Variants in RTN4R observed in about 807,000 individuals in gnomAD.
RTN4R encodes reticulon-4 receptor.
Under a neutral mutation model 27.7 loss-of-function variants are expected in RTN4R, and 4 were observed. The ratio of observed to expected loss-of-function variants is 0.14; its 90% confidence interval spans 0.07 to 0.33. The LOEUF (loss-of-function observed/expected upper bound fraction) is 0.33, where lower values mean the gene tolerates loss of function less well. RTN4R is among the 10% of genes least tolerant of loss of function. The pLI, the probability that RTN4R is intolerant of heterozygous loss-of-function variation, is 1.00. For synonymous variants in RTN4R, 290 were observed against 305.6 expected (o/e 0.95, Z 0.53); for missense variants, 554 against 671.5 (o/e 0.83, Z 1.93).
chr22:20,261,316 C>G (rs73152998), intron 1 of RTN4R, among the ~76,000 whole-genome samples: 35 of 152,324 alleles, frequency 2.3e-4, no homozygotes, highest in Non-Finnish European at 4.6e-4. Flanking sequence ...CCCTAAGGCC[C>G]CAATCACTAG....
Position 20,250,656 on chromosome 22 carries a change from G to A in RTN4R, c.23-7546C>T, listed in dbSNP as rs923401003. On this transcript the variant is annotated intron_variant, in intron 1 of 1. Coordinates refer to ENST00000043402, the MANE Select transcript of RTN4R (RefSeq NM_023004.6). ...CATCTCACGGAGGCCTAGGGTGAGG[G>A]GTTCTAGGCAAGAAAGAGACTCAGA... Among the ~76,000 whole-genome samples, 3 of 152,160 alleles carry A rather than the reference G, an allele frequency of 2.0e-5. No homozygotes were observed. In the East Asian group the frequency reaches 5.8e-4, roughly 29 times the overall value.
At position 20,242,158 on chromosome 22, in the gene RTN4R, G is replaced by A. The variant is rs1230830891; in HGVS notation, c.975C>T (p.Thr325=). 11 of 1,611,864 alleles carry A rather than the reference G, an allele frequency of 6.8e-6. No homozygotes were observed. The highest frequency in any genetic ancestry group is 1.7e-5 in the Admixed American group (1 of 59,962). ...PYHPIWTGRA[T]DEEPLGLPKC... is the part of the protein sequence containing the mutation. ...TGGGAAGCCCCAGCGGCTCCTCATC[G>A]GTGGCCCTGCCGGTCCAGATGGGAT... The change falls in exon 2 of 2, where the codon ACC becomes ACT. Residue 325 remains threonine, a synonymous_variant. Coordinates refer to ENST00000043402, the MANE Select transcript of RTN4R (RefSeq NM_023004.6).
At chr22:20,258,297 C>G (rs1347856571) in intron 1 of RTN4R, among the ~76,000 whole-genome samples, 1 of 152,192 alleles carries the variant, frequency 6.6e-6, no homozygotes, top group African/African-American at 2.4e-5. Context: ...CACACTTCCT[C>G]TGGGGGGCTC....
chr22:20,250,320 C>T (rs1421594943), intron 1 of RTN4R, among the ~76,000 whole-genome samples: 1 of 152,250 alleles, frequency 6.6e-6, no homozygotes, highest in African/African-American at 2.4e-5. Context: ...ACGCATTGTC[C>T]ATGGCTGCTT....
At chr22:20,266,354 G>A (rs954722916) in intron 1 of RTN4R, among the ~76,000 whole-genome samples, 2 of 152,216 alleles carry the variant, frequency 1.3e-5, no homozygotes, top group African/African-American at 4.8e-5. Flanking sequence ...GTGCTAGTGG[G>A]CCACCCTTGC....
intron 1 of RTN4R, among the ~76,000 whole-genome samples, chr22:20,249,746 A>G (rs1276508582): frequency 6.6e-6 from 1 of 152,156 alleles, no homozygotes; most frequent in Non-Finnish European, 1.5e-5. Context: ...ATGTGTAGGC[A>G]CATCCCCATG....
intron 1 of RTN4R, 57 bp downstream of exon 1, chr22:20,268,014 G>A (rs2051289569): frequency 9.5e-7 from 1 of 1,057,696 alleles, no homozygotes; most frequent in Non-Finnish European, 1.2e-6. Flanking sequence ...GAGGGGGCGA[G>A]CCGCCCCCCT....
At chr22:20,249,237 G>C (rs941330250) in intron 1 of RTN4R, 2 of 531,968 alleles carry the variant, frequency 3.8e-6, no homozygotes, top group Admixed American at 3.9e-5. Flanking sequence ...CCGGTGGCCG[G>C]CCTGCTCCCA....
intron 1 of RTN4R, among the ~76,000 whole-genome samples, chr22:20,253,885 G>T (rs1174202616): frequency 6.6e-6 from 1 of 151,966 alleles, no homozygotes; most frequent in East Asian, 1.9e-4. Flanking sequence ...CAAGGTCAAA[G>T]AAATCTTCCA....
At chr22:20,245,056 C>A (rs1448812636) in intron 1 of RTN4R, among the ~76,000 whole-genome samples, 1 of 152,208 alleles carries the variant, frequency 6.6e-6, no homozygotes, top group African/African-American at 2.4e-5. Context: ...TTGAACCGAG[C>A]CCTGTGCTCA....
rs901870405 is a variant in RTN4R, at chr22:20,241,683, C to T, written c.*28G>A. 3 of 1,548,228 alleles carry T rather than the reference C, an allele frequency of 1.9e-6. No individual in the cohort carries two copies. Among genetic ancestry groups the T allele is most frequent in the African/African-American group, 2.7e-5 (2 of 72,992 alleles). ...CCCCGTATGTACACACACCTGGCTG[C>T]TGAGCACGCTCTTGTGTCCGCTGGG... On this transcript the variant is annotated 3_prime_UTR_variant, in exon 2 of 2. Transcript: ENST00000043402.
chr22:20,266,268 T>G (rs1411260698), intron 1 of RTN4R, among the ~76,000 whole-genome samples: 1 of 152,246 alleles, frequency 6.6e-6, no homozygotes, highest in Non-Finnish European at 1.5e-5. Flanking sequence ...ACTCTATAGA[T>G]GAGCCTCTGG....
In RTN4R at chr22:20,263,504, G is replaced by A. The variant is rs147962583; in HGVS notation, c.22+4567C>T. ...CCAAAGAATTTCAACTCCATGGACC[G>A]TGACCCGTGACAGCCAGCTAAGAAT... On this transcript the variant is annotated intron_variant, in intron 1 of 1. Transcript: ENST00000043402. Among the ~76,000 whole-genome samples the A allele has an allele frequency of 8.7e-4, 133 of 152,374 alleles. 3 individuals carry two copies. In the East Asian group the frequency reaches 0.024, roughly 27 times the overall value.
Position 20,241,651 on chromosome 22 carries a change from A to G in RTN4R, c.*60T>C, listed in dbSNP as rs113816095. 58 of 1,537,294 alleles carry G rather than the reference A, an allele frequency of 3.8e-5. 1 individual carries two copies. The Middle Eastern group carries it at 9.0e-4, about 24-fold the overall frequency. ...CCGCCCGGCTGGCTTGGCGGCGTGGAGAGAGACCCCGTATGTACACACACC... is the reference window on the plus strand; with the variant it reads ...CCGCCCGGCTGGCTTGGCGGCGTGGGGAGAGACCCCGTATGTACACACACC... On this transcript the variant is annotated 3_prime_UTR_variant, in exon 2 of 2. Coordinates refer to ENST00000043402, the MANE Select transcript of RTN4R (RefSeq NM_023004.6).
intron 1 of RTN4R, among the ~76,000 whole-genome samples, chr22:20,263,088 G>A (rs1169850326): frequency 6.6e-6 from 1 of 152,220 alleles, no homozygotes; most frequent in Non-Finnish European, 1.5e-5. Flanking sequence ...CGTGACATTT[G>A]CTGCAAAGAA....
intron 1 of RTN4R, among the ~76,000 whole-genome samples, chr22:20,260,269 C>T (rs2051237372): frequency 6.6e-6 from 1 of 152,170 alleles, no homozygotes; most frequent in South Asian, 2.1e-4. Context: ...TCATACAGCC[C>T]CATCCCTCGG....
Position 20,242,157 on chromosome 22 carries a change from C to T in RTN4R, c.976G>A (p.Asp326Asn), listed in dbSNP as rs780471328. 3 of 1,611,798 alleles carry T rather than the reference C, an allele frequency of 1.9e-6. No individual in the cohort carries two copies. Among genetic ancestry groups the T allele is most frequent in the East Asian group, 2.2e-5 (1 of 44,836 alleles). Reference protein sequence around the residue: ...YHPIWTGRATDEEPLGLPKCC... With the variant: ...YHPIWTGRATNEEPLGLPKCC... ...TTGGGAAGCCCCAGCGGCTCCTCAT[C>T]GGTGGCCCTGCCGGTCCAGATGGGA... Residue 326 changes from aspartate to asparagine, a missense_variant, in exon 2 of 2, where the codon GAT (aspartate) becomes AAT (asparagine). This residue lies in a region of RTN4R where 413 missense variants were observed against 542.3 expected (regional missense o/e 0.76). Transcript: ENST00000043402.
At position 20,245,009 on chromosome 22, in the gene RTN4R, G is replaced by GT. The variant is rs2051131615; in HGVS notation, c.23-1900dup. ...GGCTCCAGGCCCGAAGCTGTGGGCT[G>GT]TGAGTCTGGCTGTGGTCAGGGCTCA... On this transcript the variant is annotated intron_variant, in intron 1 of 1. Coordinates refer to ENST00000043402, the MANE Select transcript of RTN4R (RefSeq NM_023004.6). 6.6e-5 allele frequency among the ~76,000 whole-genome samples: 10 copies of GT among 152,300 alleles called. No homozygotes were observed. In the South Asian group the frequency reaches 2.1e-3, roughly 32 times the overall value.
At position 20,241,427 on chromosome 22, in the gene RTN4R, C is replaced by G; in HGVS notation, c.*284G>C. 4.0e-6 allele frequency: 2 copies of G among 501,438 alleles called. No homozygotes were observed. The highest frequency in any genetic ancestry group is 7.0e-5 in the Admixed American group (2 of 28,458). The allele number at this position is 501,438 out of a possible 1,614,324, so 31.1% of individuals were successfully genotyped here. On this transcript the variant is annotated 3_prime_UTR_variant, in exon 2 of 2. Transcript: ENST00000043402. ...GAGAGGCCACAGCTTAAGAAAAGAG[C>G]TCTTTATTCCACGTCGTCCGATATT...
Sources: allele counts gnomAD v4.1 joint callset (sites outside exome capture counted in the v4.1 genomes callset), GRCh38; gene constraint gnomAD v4.1.1; regional missense constraint gnomAD v4.1.1; transcripts MANE v1.5; gene names NCBI Gene and HGNC (gene_info 2026-07-23, HGNC 2026-07-21).